ZNF804B: variants seen among roughly 807,000 people sequenced by gnomAD.
ZNF804B encodes zinc finger 804B.
Under a neutral mutation model 101.4 loss-of-function variants are expected in ZNF804B, and 80 were observed. The ratio of observed to expected loss-of-function variants is 0.79; its 90% CI spans 0.66 to 0.95. The LOEUF is 0.95. Ranked by LOEUF, ZNF804B falls within the 40% of genes least tolerant of loss-of-function variation. The pLI, the probability that ZNF804B is intolerant of heterozygous loss-of-function variation, is 0.00. For missense variants in ZNF804B, 1,673 were observed against 1,561.9 expected, an observed-to-expected ratio of 1.07 and a Z score of -1.20; for synonymous variants, 622 against 558.8, an observed-to-expected ratio of 1.11 and a Z score of -1.59.
chr7:89,223,177 T>A (rs551436734), intron 2 of ZNF804B, among the ~76,000 whole-genome samples: 162 of 152,066 alleles, frequency 1.1e-3, no homozygotes, highest in African/African-American at 3.6e-3. Flanking sequence ...AATTTTACTT[T>A]CCATGTAGAT....
chr7:89,283,632 G>T (rs1790132658), intron 2 of ZNF804B, among the ~76,000 whole-genome samples: 1 of 152,130 alleles, frequency 6.6e-6, no homozygotes, highest in South Asian at 2.1e-4. Flanking sequence ...GTTTAAATCA[G>T]AGTGTTGTGT....
At chr7:88,867,204 G>A (rs1371210892) in intron 1 of ZNF804B, among the ~76,000 whole-genome samples, 1 of 152,062 alleles carries the variant, frequency 6.6e-6, no homozygotes, top group Non-Finnish European at 1.5e-5. Context: ...TGAGAGAGGC[G>A]ATTTTTTTAG....
intron 2 of ZNF804B, among the ~76,000 whole-genome samples, chr7:89,255,784 A>C (rs1377276248): frequency 6.6e-6 from 1 of 152,182 alleles, no homozygotes; most frequent in African/African-American, 2.4e-5. Context: ...ATAAGTAATA[A>C]TCTGTAAAAA....
At chr7:88,854,398 T>TCTTTCTTTCTTCCTTC (rs1562812503) in intron 1 of ZNF804B, among the ~76,000 whole-genome samples, 5 of 134,868 alleles carry the variant, frequency 3.7e-5, no homozygotes, top group African/African-American at 1.5e-4. Flanking sequence ...TTTCTTTCTT[T>TCTTTCTTTCTTCCTTC]CTTTCTTTCT....
chr7:89,299,568 GA>G (rs1446666895), intron 2 of ZNF804B, among the ~76,000 whole-genome samples: 10 of 151,958 alleles, frequency 6.6e-5, no homozygotes, highest in Non-Finnish European at 1.0e-4. Flanking sequence ...CAAGTTAAAA[GA>G]AAAATATCCA....
intron 1 of ZNF804B, among the ~76,000 whole-genome samples, chr7:88,842,746 A>G (rs1266298868): frequency 1.3e-5 from 2 of 152,222 alleles, no homozygotes; most frequent in African/African-American, 4.8e-5. Flanking sequence ...CTAAGAATTT[A>G]AGAAATAATT....
At chr7:89,331,609 G>A (rs186507194) in intron 3 of ZNF804B, among the ~76,000 whole-genome samples, 12 of 151,716 alleles carry the variant, frequency 7.9e-5, no homozygotes, top group Admixed American at 7.9e-4. Context: ...TCATGAAGAG[G>A]AGACGTTCTA....
chr7:88,778,793 C>A (rs1046628179), intron 1 of ZNF804B, among the ~76,000 whole-genome samples: 3 of 152,118 alleles, frequency 2.0e-5, no homozygotes, highest in Admixed American at 1.3e-4. Flanking sequence ...ATTAATGGTG[C>A]CTAGCATTGT....
chr7:88,872,897 CTT>C (rs1186344638), intron 1 of ZNF804B, among the ~76,000 whole-genome samples: 1 of 151,454 alleles, frequency 6.6e-6, no homozygotes, highest in Non-Finnish European at 1.5e-5. Flanking sequence ...GGTTCCAAGT[CTT>C]TGCTATTGTG....
At chr7:89,329,013 G>T (rs1790936991) in intron 3 of ZNF804B, among the ~76,000 whole-genome samples, 2 of 151,716 alleles carry the variant, frequency 1.3e-5, no homozygotes, top group Admixed American at 1.3e-4. Context: ...TGATGGTGAT[G>T]ATGATGGTTT....
chr7:88,778,717 T>C (rs10236498), intron 1 of ZNF804B, among the ~76,000 whole-genome samples: 66,154 of 151,998 alleles, frequency 0.44, 17,463 homozygotes, highest in African/African-American at 0.74. Context: ...ACCCCTACCC[T>C]GCACTTCTCT....
At chr7:89,011,824 G>C (rs1176259850) in intron 1 of ZNF804B, among the ~76,000 whole-genome samples, 1 of 152,140 alleles carries the variant, frequency 6.6e-6, no homozygotes, top group Non-Finnish European at 1.5e-5. Context: ...GGTGCACAGT[G>C]CAAGCTGTTG....
intron 1 of ZNF804B, among the ~76,000 whole-genome samples, chr7:89,050,569 T>C (rs188169414): frequency 6.6e-6 from 1 of 152,300 alleles, no homozygotes; most frequent in Non-Finnish European, 1.5e-5. Context: ...GACTCAATTG[T>C]GATACCTTAT....
intron 1 of ZNF804B, among the ~76,000 whole-genome samples, chr7:89,138,205 G>GC (rs1049737824): frequency 4.6e-5 from 7 of 152,062 alleles, no homozygotes; most frequent in East Asian, 1.9e-4. Flanking sequence ...TGGGATCAGA[G>GC]CCCCCGCACA....
chr7:88,781,211 A>G (rs1308966769), intron 1 of ZNF804B, among the ~76,000 whole-genome samples: 2 of 152,236 alleles, frequency 1.3e-5, no homozygotes, highest in African/African-American at 4.8e-5. Flanking sequence ...GAAGAATATA[A>G]GAAGGGTTTC....
chr7:89,179,022 AGTCTGTT>A (rs1270443491), intron 1 of ZNF804B, among the ~76,000 whole-genome samples: 7 of 152,268 alleles, frequency 4.6e-5, no homozygotes, highest in African/African-American at 1.4e-4. Flanking sequence ...TCTATTGATA[AGTCTGTT>A]GTCAGATATT....
intron 1 of ZNF804B, among the ~76,000 whole-genome samples, chr7:88,766,881 A>C (rs1261572571): frequency 6.6e-6 from 1 of 152,066 alleles, no homozygotes; most frequent in East Asian, 1.9e-4. Context: ...TCTAGCAAGT[A>C]TAATTAGGAC....
At chr7:89,056,073 A>C (rs974664849) in intron 1 of ZNF804B, among the ~76,000 whole-genome samples, 1 of 152,096 alleles carries the variant, frequency 6.6e-6, no homozygotes, top group African/African-American at 2.4e-5. Flanking sequence ...GTGGAGATGC[A>C]AGACAAGGTT....
intron 1 of ZNF804B, among the ~76,000 whole-genome samples, chr7:88,948,990 A>T (rs906863378): frequency 2.0e-5 from 3 of 150,832 alleles, no homozygotes; most frequent in Non-Finnish European, 3.0e-5. Context: ...TTTGTATGTG[A>T]TTACTTTTGT....
Sources: allele counts gnomAD v4.1 joint callset (sites outside exome capture counted in the v4.1 genomes callset), GRCh38; gene constraint gnomAD v4.1.1; transcripts MANE v1.5; gene names NCBI Gene and HGNC (gene_info 2026-07-23, HGNC 2026-07-21).